The following ZNF777 variants were observed in gnomAD, a reference collection of about 807,000 sequenced individuals.
ZNF777 encodes zinc finger protein 777.
A neutral mutation model predicts 72.1 loss-of-function variants in ZNF777; 7 were observed. The observed-to-expected ratio is 0.10, with a 90% CI of 0.06 to 0.18. The LOEUF (loss-of-function observed/expected upper bound fraction) is 0.18. Among genes scored for constraint, ZNF777 ranks in the 10% least tolerant of loss-of-function variants. ZNF777 has a pLI of 1.00. For synonymous variants in ZNF777, 545 were observed against 483.5 expected (o/e 1.13, Z -1.67); for missense variants, 828 against 1,128.6 (o/e 0.73, Z 3.82).
chr7:149,445,908 T>C (rs1412564605), intron 4 of ZNF777, among the ~76,000 whole-genome samples: 1 of 151,968 alleles, frequency 6.6e-6, no homozygotes, highest in Non-Finnish European at 1.5e-5. Context: ...ATCCCTAGAG[T>C]CTCTGGTACT....
intron 4 of ZNF777, among the ~76,000 whole-genome samples, chr7:149,450,378 A>C (rs983209570): frequency 3.9e-5 from 6 of 152,214 alleles, no homozygotes; most frequent in Non-Finnish European, 8.8e-5. Flanking sequence ...GTTAGATATT[A>C]GTGCCAGTTC....
intron 2 of ZNF777, among the ~76,000 whole-genome samples, chr7:149,454,957 A>T (rs1349337580): frequency 6.6e-6 from 1 of 152,026 alleles, no homozygotes; most frequent in Non-Finnish European, 1.5e-5. Flanking sequence ...TCTGCTGAAC[A>T]CCCTTCCAAA....
intron 1 of ZNF777, among the ~76,000 whole-genome samples, chr7:149,456,794 T>G (rs1471812139): frequency 6.6e-6 from 1 of 152,150 alleles, no homozygotes; most frequent in Non-Finnish European, 1.5e-5. Flanking sequence ...TATCAATGAG[T>G]CAGTATGGTA....
intron 1 of ZNF777, among the ~76,000 whole-genome samples, chr7:149,459,356 T>A (rs990222396): frequency 6.6e-6 from 1 of 152,052 alleles, no homozygotes; most frequent in East Asian, 1.9e-4. Context: ...CCCCAACCCC[T>A]GAGAAGCTTA....
intron 1 of ZNF777, among the ~76,000 whole-genome samples, 180 bp from the exon 2 acceptor site, chr7:149,456,217 T>C (rs377661910): frequency 8.5e-5 from 13 of 152,234 alleles, no homozygotes; most frequent in African/African-American, 2.9e-4. Flanking sequence ...ATTATACCAC[T>C]ATTATGAACC....
chr7:149,443,291 T>C (rs1220019567), intron 4 of ZNF777, among the ~76,000 whole-genome samples: 2 of 152,238 alleles, frequency 1.3e-5, no homozygotes, highest in Non-Finnish European at 1.5e-5. Context: ...AATACTTCTA[T>C]ATTGTCTGAT....
rs1799920665 is a variant in ZNF777 at position 149,460,168 on chromosome 7, G to C, written c.-16+647C>G. Reference sequence around the variant, plus strand: ...CCATGGCCCTGCGCTGTCCGGCCCGGGCCCCCGGAGTCGCCGCCGCTACTG... The same window carrying C: ...CCATGGCCCTGCGCTGTCCGGCCCGCGCCCCCGGAGTCGCCGCCGCTACTG... On this transcript the variant is annotated intron_variant, in intron 1 of 5. Transcript: ENST00000247930. This position sits in a 1 kb window ranked among gnomAD's most constrained non-coding sequence, Gnocchi z 6.1. The C allele has an allele frequency of 1.1e-6, 1 of 933,242 alleles. No individual in the cohort carries two copies. Among genetic ancestry groups the C allele is most frequent in the Admixed American group, 6.4e-5 (1 of 15,702 alleles). 57.8% of individuals were successfully genotyped at this position (933,242 alleles called of 1,614,324 possible).
chr7:149,440,907 T>G (rs1799503272), intron 4 of ZNF777, among the ~76,000 whole-genome samples: 1 of 152,102 alleles, frequency 6.6e-6, no homozygotes, highest in African/African-American at 2.4e-5. Context: ...CTGGCCCTAC[T>G]TCAAGACCCA....
rs1453859163 is a variant in ZNF777, at chr7:149,455,444, T to C, written c.579A>G (p.Gln193=). The C allele has an allele frequency of 3.1e-6, 5 of 1,614,098 alleles. No individual in the cohort carries two copies. The African/African-American group carries it at 6.7e-5, about 22-fold the overall frequency. Reference sequence around the variant, plus strand: ...GGGCCTCCAGCTTCCTCTCCACTGCTTGGACGGCAGCCCACACAGCCAAGC... The same window carrying C: ...GGGCCTCCAGCTTCCTCTCCACTGCCTGGACGGCAGCCCACACAGCCAAGC... The part of the protein sequence containing the change: ...ITRLAVWAAV[Q]AVERKLEAQA... The change falls in exon 2 of 6, where the codon CAA becomes CAG. Residue 193 remains glutamine (Q), a synonymous_variant. Coordinates refer to ENST00000247930, the MANE Select transcript of ZNF777 (RefSeq NM_015694.3). This position sits in a 1 kb window ranked among gnomAD's most constrained non-coding sequence, Gnocchi z 4.2.
intron 1 of ZNF777, among the ~76,000 whole-genome samples, chr7:149,458,362 CG>C (rs1388056019): frequency 1.3e-5 from 2 of 152,110 alleles, no homozygotes; most frequent in Admixed American, 1.3e-4. Flanking sequence ...GACTGCCTAA[CG>C]CAACACAATA....
chr7:149,455,332 C>T lies in ZNF777; in HGVS notation c.691G>A (p.Ala231Thr), dbSNP rs1165601081. The change falls in exon 2 of 6, where the codon GCG becomes ACG. Residue 231 changes from alanine (A) to threonine (T), a missense_variant. Ala to Thr is a moderately conservative substitution (Grantham distance 58, BLOSUM62 0). Transcript: ENST00000247930. This position sits in a 1 kb window ranked among gnomAD's most constrained non-coding sequence, Gnocchi z 4.2. ...ADCEKTAVEFANHLESKWVVL... is the reference protein window; with the variant it reads ...ADCEKTAVEFTNHLESKWVVL... ...ACCCACTTGCTCTCCAGATGGTTCG[C>T]GAACTCCACGGCTGTCTTCTCGCAG... The T allele has an allele frequency of 1.2e-6, 2 of 1,614,222 alleles. No homozygotes were observed. Among genetic ancestry groups the T allele is most frequent in the Non-Finnish European group, 1.7e-6 (2 of 1,180,048 alleles).
At chr7:149,450,190 A>G (rs1460648675) in intron 4 of ZNF777, among the ~76,000 whole-genome samples, 5 of 152,184 alleles carry the variant, frequency 3.3e-5, no homozygotes, top group Non-Finnish European at 4.4e-5. Flanking sequence ...ATGCAAGTCC[A>G]AAGGCAGTTC....
chr7:149,451,025 C>T lies in ZNF777; in HGVS notation c.1061G>A (p.Gly354Asp), dbSNP rs1563238699. Residue 354 changes from glycine (G) to aspartate (D), a missense_variant, in exon 4 of 6, where the codon GGC becomes GAC. Transcript: ENST00000247930. ...TMQEQEDSEE[G>D]ETPTDPSAAH... ...AGCACTGGGATCTGTCGGCGTTTCG[C>T]CCTCCTCAGAGTCTTCCTGCTCCTG... 6.2e-7 allele frequency: 1 copy of T among 1,613,930 alleles called. No homozygotes were observed. Among genetic ancestry groups the T allele is most frequent in the Non-Finnish European group, 8.5e-7 (1 of 1,180,024 alleles).
rs150231776 is a variant in ZNF777 at position 149,450,125 on chromosome 7, C to T, written c.1087+874G>A. On this transcript the variant is annotated intron_variant, in intron 4 of 5. Transcript: ENST00000247930. ...AACTCTCAGCTATGTTCACACGCCA[C>T]ACCTGCCCACGAAGGACAAGGATCA... Among the ~76,000 whole-genome samples, 964 of 152,312 alleles carry T rather than the reference C, an allele frequency of 6.3e-3. 8 individuals carry two copies. The highest frequency in any genetic ancestry group is 0.022 in the African/African-American group (912 of 41,562).
rs1208436929 is a variant in ZNF777 at position 149,431,438 on chromosome 7, A to G, written c.*338T>C. Reference sequence around the variant, plus strand: ...AGGTAATTATAAAGTTCTATCCCCAACTAGATGGGCCCTACACCGCCCCTC... The same window carrying G: ...AGGTAATTATAAAGTTCTATCCCCAGCTAGATGGGCCCTACACCGCCCCTC... On this transcript the variant is annotated 3_prime_UTR_variant, in exon 6 of 6. Transcript: ENST00000247930. The G allele has an allele frequency of 2.3e-6, 1 of 438,038 alleles. No individual in the cohort carries two copies. Among genetic ancestry groups the G allele is most frequent in the South Asian group, 1.6e-5 (1 of 61,596 alleles). 27.1% of individuals were successfully genotyped at this position (438,038 alleles called of 1,614,324 possible).
chr7:149,451,910 T>C (rs1224508781), intron 3 of ZNF777, among the ~76,000 whole-genome samples: 1 of 152,154 alleles, frequency 6.6e-6, no homozygotes. Flanking sequence ...ACTAGTAAAA[T>C]TGCAAAGCTA....
Position 149,431,916 on chromosome 7 carries a change from G to T in ZNF777, c.2356C>A (p.Arg786Ser), listed in dbSNP as rs775452243. 8 of 1,581,892 alleles carry T rather than the reference G, an allele frequency of 5.1e-6. No homozygotes were observed. In the East Asian group the frequency reaches 9.3e-5, roughly 18 times the overall value. Residue 786 changes from arginine (R) to serine (S), a missense_variant, in exon 6 of 6, where the codon CGC becomes AGC. Physicochemically the swap from Arg to Ser is moderately radical, Grantham distance 110 (BLOSUM62 -1). Transcript: ENST00000247930. ...RPYHCAECGKRFTQKHHLLEH... is the reference protein window; with the variant it reads ...RPYHCAECGKSFTQKHHLLEH... Reference sequence around the variant, plus strand: ...AGCAGGTGATGCTTCTGCGTGAAGCGCTTGCCGCACTCGGCGCAGTGGTAG... The same window carrying T: ...AGCAGGTGATGCTTCTGCGTGAAGCTCTTGCCGCACTCGGCGCAGTGGTAG...
rs1799929233 is a variant in ZNF777, at chr7:149,460,521, G to A, written c.-16+294C>T. Among the ~76,000 whole-genome samples, 1 of 151,222 alleles carries A rather than the reference G, an allele frequency of 6.6e-6. No homozygotes were observed. Among genetic ancestry groups the A allele is most frequent in the Non-Finnish European group, 1.5e-5 (1 of 67,802 alleles). On this transcript the variant is annotated intron_variant, in intron 1 of 5. Transcript: ENST00000247930. The surrounding 1 kb of genome is among the most constrained non-coding windows in gnomAD (Gnocchi z 6.1). Reference sequence around the variant, plus strand: ...GCTCCGGCCCCGGCCCCGGCTGCGAGCTGCGCTGCCGTCCCGGCGCCTCTT... The same window carrying A: ...GCTCCGGCCCCGGCCCCGGCTGCGAACTGCGCTGCCGTCCCGGCGCCTCTT...
chr7:149,432,400 G>C lies in ZNF777; in HGVS notation c.1872C>G (p.Pro624=). The C allele has an allele frequency of 6.2e-7, 1 of 1,613,514 alleles. No individual in the cohort carries two copies. Among genetic ancestry groups the C allele is most frequent in the Non-Finnish European group, 8.5e-7 (1 of 1,179,972 alleles). Residue 624 remains proline (P), a synonymous_variant, in exon 6 of 6, where the codon CCC becomes CCG. Coordinates refer to ENST00000247930, the MANE Select transcript of ZNF777 (RefSeq NM_015694.3). ...KHALKPRPKS[P]SSGSGGGGPK... is the part of the protein sequence containing the mutation. ...GGCCACCGCCGCCGCTACCAGAGCT[G>C]GGTGACTTGGGACGCGGCTTGAGCG...
Sources: allele counts gnomAD v4.1 joint callset (sites outside exome capture counted in the v4.1 genomes callset), GRCh38; gene constraint gnomAD v4.1.1; non-coding constraint Gnocchi (gnomAD v3.1); transcripts MANE v1.5; gene names NCBI Gene and HGNC (gene_info 2026-07-23, HGNC 2026-07-21).